The following DNAAF9 variants were observed in gnomAD, a reference collection of about 807,000 sequenced individuals.
DNAAF9 encodes shulin.
In DNAAF9, 90 loss-of-function variants were observed where a neutral mutation model predicts 167.0. The observed-to-expected ratio is 0.54, with a 90% CI of 0.45 to 0.64. The LOEUF is 0.64. DNAAF9 is among the 30% of genes least tolerant of loss of function. The pLI, the probability that DNAAF9 is intolerant of heterozygous loss-of-function variation, is 0.00. For synonymous variants in DNAAF9, 491 were observed against 508.8 expected (o/e 0.96, Z 0.47); for missense variants, 1,315 against 1,442.2 (o/e 0.91, Z 1.43).
Position 3,296,967 on chromosome 20 carries a change from T to G in DNAAF9, c.1930-18A>C. ...GAGAAGACCTAAACAAAACAGAATTTGAGCAAAGAACACTTTAAACCCAAC... is the reference window on the plus strand; with the variant it reads ...GAGAAGACCTAAACAAAACAGAATTGGAGCAAAGAACACTTTAAACCCAAC... On this transcript the variant is annotated intron_variant, in intron 22 of 36. Transcript: ENST00000252032. 6.7e-7 allele frequency: 1 copy of G among 1,481,778 alleles called. No individual in the cohort carries two copies. The highest frequency in any genetic ancestry group is 9.4e-7 in the Non-Finnish European group (1 of 1,061,370). The allele number at this position is 1,481,778 out of a possible 1,614,324, so 91.8% of individuals were successfully genotyped here.
chr20:3,274,063 C>T (rs2068637876), intron 29 of DNAAF9, among the ~76,000 whole-genome samples: 1 of 152,098 alleles, frequency 6.6e-6, no homozygotes, highest in Admixed American at 6.6e-5. Flanking sequence ...CTCTCCCCTT[C>T]TCTGAACTAA....
chr20:3,403,567 C>G (rs912152602), intron 1 of DNAAF9, among the ~76,000 whole-genome samples: 1 of 149,772 alleles, frequency 6.7e-6, no homozygotes, highest in African/African-American at 2.5e-5. Context: ...CTTACCTACT[C>G]AAGGACTTCA....
At chr20:3,369,329 A>G (rs1305695539) in intron 6 of DNAAF9, among the ~76,000 whole-genome samples, 1 of 150,898 alleles carries the variant, frequency 6.6e-6, no homozygotes, top group East Asian at 1.9e-4. Flanking sequence ...CAGAAATTCT[A>G]CTCATTGGAT....
intron 14 of DNAAF9, among the ~76,000 whole-genome samples, chr20:3,324,291 C>T (rs771112685): frequency 4.6e-5 from 7 of 152,020 alleles, no homozygotes; most frequent in African/African-American, 7.3e-5. Flanking sequence ...AAATAAATTC[C>T]CCAGTATTGG....
At chr20:3,394,949 CTTTTTTTTTTTTTTT>C (rs10522445) in intron 1 of DNAAF9, among the ~76,000 whole-genome samples, 226 of 102,106 alleles carry the variant, frequency 2.2e-3, no homozygotes, top group East Asian at 2.5e-3. Context: ...TTTCTTTTTT[CTTTTTTTTTTTTTTT>C]TTTTTTTTTT....
At chr20:3,396,327 T>C (rs1216354387) in intron 1 of DNAAF9, among the ~76,000 whole-genome samples, 1 of 152,224 alleles carries the variant, frequency 6.6e-6, no homozygotes, top group African/African-American at 2.4e-5. Flanking sequence ...CTCTCTTCCT[T>C]TTTTTATTTA....
chr20:3,351,703 A>G (rs752515159), intron 7 of DNAAF9, among the ~76,000 whole-genome samples: 1 of 152,206 alleles, frequency 6.6e-6, no homozygotes, highest in Non-Finnish European at 1.5e-5. Flanking sequence ...TAAGGAGATG[A>G]CTACCATAGA....
chr20:3,315,619 C>T lies in DNAAF9; in HGVS notation c.1590+116G>A. On this transcript the variant is annotated intron_variant, in intron 19 of 36. Transcript: ENST00000252032. The surrounding 1 kb of genome is among the most constrained non-coding windows in gnomAD (Gnocchi z 4.1). Reference sequence around the variant, plus strand: ...GAGGAATGCAAATAGGAAGTGAAGACAACATAGTGCAAGTCTTTTAGATTA... The same window carrying T: ...GAGGAATGCAAATAGGAAGTGAAGATAACATAGTGCAAGTCTTTTAGATTA... 1.2e-6 allele frequency: 1 copy of T among 827,530 alleles called. No homozygotes were observed. Among genetic ancestry groups the T allele is most frequent in the Non-Finnish European group, 2.1e-6 (1 of 480,594 alleles). The allele number at this position is 827,530 out of a possible 1,614,324, so 51.3% of individuals were successfully genotyped here. A position where few individuals can be genotyped will look rare whatever the true frequency, so the allele number is the denominator to read the frequency against.
rs528026378 is a variant in DNAAF9 at position 3,355,653 on chromosome 20, CA to C, written c.690+3862del. ...TTTTTTAGCATCTATAGAGTCATTA[CA>C]AAAGCCTCCAAGAGGAAAAATTCAT... On this transcript the variant is annotated intron_variant, in intron 7 of 36. Transcript: ENST00000252032. Among the ~76,000 whole-genome samples the C allele has an allele frequency of 4.5e-3, 683 of 151,964 alleles. 8 individuals are homozygous for C. Among genetic ancestry groups the C allele is most frequent in the African/African-American group, 0.016 (649 of 41,458 alleles).
intron 17 of DNAAF9, 119 bp from the exon 18 acceptor site, chr20:3,316,912 T>TTTTG (rs2069512327): frequency 1.8e-6 from 1 of 568,610 alleles, no homozygotes. Flanking sequence ...TTTTTTTTTT[T>TTTTG]GAGACAGAAT....
chr20:3,331,286 A>G (rs192600818), intron 11 of DNAAF9, among the ~76,000 whole-genome samples: 20 of 152,300 alleles, frequency 1.3e-4, no homozygotes, highest in Admixed American at 1.2e-3. Flanking sequence ...TTAAACTTCG[A>G]GACATCAGTA....
intron 1 of DNAAF9, among the ~76,000 whole-genome samples, chr20:3,401,875 C>T (rs2090747092): frequency 6.6e-6 from 1 of 151,950 alleles, no homozygotes; most frequent in Non-Finnish European, 1.5e-5. Flanking sequence ...GGCTCCCCCG[C>T]CCCCTTTTGA....
intron 35 of DNAAF9, 52 bp downstream of exon 35, chr20:3,255,167 G>A (rs1257141298): frequency 3.5e-6 from 4 of 1,132,892 alleles, no homozygotes; most frequent in Non-Finnish European, 5.2e-6. Flanking sequence ...AGCTAGGCAA[G>A]CCGAGGACAG....
At chr20:3,301,060 G>C (rs547718755) in intron 21 of DNAAF9, among the ~76,000 whole-genome samples, 1 of 151,034 alleles carries the variant, frequency 6.6e-6, no homozygotes, top group African/African-American at 2.4e-5. Flanking sequence ...TGTCTCCCAG[G>C]CTGGAGTGCA....
chr20:3,322,402 A>G (rs1157132396), intron 15 of DNAAF9, 140 bp from the exon 16 acceptor site: 2 of 768,214 alleles, frequency 2.6e-6, no homozygotes, highest in Non-Finnish European at 4.6e-6. Context: ...ACTGGGTTGC[A>G]TGTCTGTAGA....
chr20:3,299,436 G>A (rs747709448), intron 21 of DNAAF9, among the ~76,000 whole-genome samples: 9 of 151,918 alleles, frequency 5.9e-5, no homozygotes, highest in Non-Finnish European at 8.8e-5. Context: ...TCAGCCTCCC[G>A]ACTAGCTGGG....
chr20:3,322,067 C>T (rs1275659255), intron 16 of DNAAF9, 150 bp downstream of exon 16: 2 of 632,790 alleles, frequency 3.2e-6, no homozygotes, highest in East Asian at 2.7e-5. Flanking sequence ...ACAGGCTCAC[C>T]CCTGCTATGG....
Position 3,348,505 on chromosome 20 carries a change from T to A in DNAAF9, c.789+20A>T. ...AAATTAACCATTTTATTCTTCCTCTTTGACCCTTCCCTTACATACCTCACC... is the reference window on the plus strand; with the variant it reads ...AAATTAACCATTTTATTCTTCCTCTATGACCCTTCCCTTACATACCTCACC... On this transcript the variant is annotated intron_variant, in intron 8 of 36. Transcript: ENST00000252032. 7.5e-7 allele frequency: 1 copy of A among 1,334,218 alleles called. No homozygotes were observed. The highest frequency in any genetic ancestry group is 1.5e-5 in the African/African-American group (1 of 68,390). The allele number at this position is 1,334,218 out of a possible 1,614,324, so 82.6% of individuals were successfully genotyped here.
At chr20:3,382,011 C>T (rs2083660962) in intron 2 of DNAAF9, among the ~76,000 whole-genome samples, 1 of 152,138 alleles carries the variant, frequency 6.6e-6, no homozygotes, top group South Asian at 2.1e-4. Flanking sequence ...AAATGACCCT[C>T]ATGAAGCTTA....
Sources: gnomAD v4.1 joint callset for allele counts (sites outside exome capture counted in the v4.1 genomes callset) on GRCh38, gnomAD v4.1.1 for gene constraint, Gnocchi (gnomAD v3.1) non-coding constraint, MANE v1.5 for transcripts, NCBI Gene and HGNC (gene_info 2026-07-23, HGNC 2026-07-21) for gene names.